CDH4: variants seen among roughly 807,000 people sequenced by gnomAD.
CDH4 encodes the protein cadherin-4.
A neutral mutation model predicts 86.0 loss-of-function variants in CDH4; 33 were observed. The observed-to-expected ratio is 0.38, with a 90% CI of 0.29 to 0.51. The LOEUF is 0.51. Among genes scored for constraint, CDH4 ranks in the 20% least tolerant of loss-of-function variants. CDH4 has a pLI of 0.86. For missense variants in CDH4, 1,114 were observed against 1,307.4 expected, an observed-to-expected ratio of 0.85 and a Z score of 2.28; for synonymous variants, 555 against 549.4, an observed-to-expected ratio of 1.01 and a Z score of -0.14.
intron 2 of CDH4, among the ~76,000 whole-genome samples, chr20:61,548,262 C>A (rs1600748363): frequency 6.6e-6 from 1 of 152,266 alleles, no homozygotes; most frequent in Non-Finnish European, 1.5e-5. Flanking sequence ...TCTAAGACTC[C>A]AAGCAATTCA....
At chr20:61,689,583 C>G (rs528134005) in intron 2 of CDH4, among the ~76,000 whole-genome samples, 2 of 60,608 alleles carry the variant, frequency 3.3e-5, no homozygotes, top group Admixed American at 1.9e-4. Context: ...ATGTGGATTC[C>G]GGCGGGGACA....
At chr20:61,739,780 C>G (rs915948130) in intron 2 of CDH4, among the ~76,000 whole-genome samples, 1 of 152,236 alleles carries the variant, frequency 6.6e-6, no homozygotes, top group Non-Finnish European at 1.5e-5. Flanking sequence ...AGGCCGCTCC[C>G]GGCCGCTGCA....
At chr20:61,473,255 A>G (rs1568857286) in intron 2 of CDH4, among the ~76,000 whole-genome samples, 1 of 152,178 alleles carries the variant, frequency 6.6e-6, no homozygotes, top group Non-Finnish European at 1.5e-5. Context: ...AGTATTCCTC[A>G]CTTTTATCTT....
chr20:61,778,831 G>A (rs1265838038), intron 4 of CDH4, among the ~76,000 whole-genome samples: 1 of 152,212 alleles, frequency 6.6e-6, no homozygotes, highest in African/African-American at 2.4e-5. Context: ...CATTTAAAAG[G>A]TTAGCAGGAC....
intron 2 of CDH4, among the ~76,000 whole-genome samples, chr20:61,734,509 G>A (rs1249116676): frequency 6.6e-6 from 1 of 152,268 alleles, no homozygotes; most frequent in Non-Finnish European, 1.5e-5. Context: ...ATCTGGAGGT[G>A]CCCAGAGCCC....
chr20:61,620,203 T>TGGGTGGGTG, intron 2 of CDH4, among the ~76,000 whole-genome samples: 1 of 142,188 alleles, frequency 7.0e-6, no homozygotes, highest in Admixed American at 7.0e-5. Flanking sequence ...GATGGATGGA[T>TGGGTGGGTG]GGACAGACAG....
chr20:61,872,513 C>G (rs560138657), intron 6 of CDH4, among the ~76,000 whole-genome samples: 1 of 152,218 alleles, frequency 6.6e-6, no homozygotes, highest in South Asian at 2.1e-4. Context: ...GCACCTGGCC[C>G]GCCGCATGAC....
chr20:61,531,094 A>G (rs2145640875), intron 2 of CDH4, among the ~76,000 whole-genome samples: 1 of 145,546 alleles, frequency 6.9e-6, no homozygotes, highest in East Asian at 2.0e-4. Context: ...CACAGGCACC[A>G]GAGGGAGACC....
intron 2 of CDH4, among the ~76,000 whole-genome samples, chr20:61,353,762 C>CCCTCCCCCTCCCCCTCCTCCCTCCCCCT (rs1555840046): frequency 1.4e-5 from 2 of 138,786 alleles, no homozygotes; most frequent in East Asian, 2.4e-4. Flanking sequence ...CGATGATTCA[C>CCCTCCCCCTCCCCCTCCTCCCTCCCCCT]CCCAGTTCAC....
chr20:61,500,888 C>T (rs548406780), intron 2 of CDH4, among the ~76,000 whole-genome samples: 32 of 152,356 alleles, frequency 2.1e-4, no homozygotes, highest in African/African-American at 7.0e-4. Flanking sequence ...CTCAGGCCCA[C>T]GCAGCCGCTC....
chr20:61,799,621 C>G (rs1044843238), intron 4 of CDH4, among the ~76,000 whole-genome samples: 5 of 152,208 alleles, frequency 3.3e-5, no homozygotes, highest in African/African-American at 1.2e-4. Flanking sequence ...GGATACCACA[C>G]TCAGCCTGGG....
intron 7 of CDH4, among the ~76,000 whole-genome samples, chr20:61,881,986 T>A (rs1984301825): frequency 6.6e-6 from 1 of 152,156 alleles, no homozygotes; most frequent in African/African-American, 2.4e-5. Context: ...GACCAGACGA[T>A]AAGGCTACAA....
At chr20:61,819,760 G>A (rs1980920606) in intron 4 of CDH4, among the ~76,000 whole-genome samples, 1 of 152,178 alleles carries the variant, frequency 6.6e-6, no homozygotes, top group Non-Finnish European at 1.5e-5. Context: ...TCCCAGCTTT[G>A]TGAACTTCGA....
At chr20:61,883,252 T>C (rs1401588769) in intron 7 of CDH4, among the ~76,000 whole-genome samples, 3 of 152,064 alleles carry the variant, frequency 2.0e-5, no homozygotes, top group Admixed American at 2.0e-4. Context: ...CTGAGTGCCC[T>C]GTCCCTCTCT....
intron 2 of CDH4, among the ~76,000 whole-genome samples, chr20:61,713,459 C>T (rs2087915032): frequency 6.6e-6 from 1 of 152,236 alleles, no homozygotes; most frequent in African/African-American, 2.4e-5. Flanking sequence ...GCACTTTGGA[C>T]ACGTGTTCGT....
At chr20:61,653,410 A>G (rs1226331097) in intron 2 of CDH4, among the ~76,000 whole-genome samples, 3 of 137,250 alleles carry the variant, frequency 2.2e-5, no homozygotes, top group Admixed American at 1.4e-4. Flanking sequence ...ATTCCACAAA[A>G]CCGCCATTGT....
intron 2 of CDH4, chr20:61,718,590 G>A (rs993143558): frequency 2.0e-5 from 7 of 354,022 alleles, no homozygotes; most frequent in South Asian, 1.3e-4. Context: ...GGCTCACAGG[G>A]CAGAGCGCTG....
At chr20:61,934,723 C>CT (rs1346297065) in intron 15 of CDH4, among the ~76,000 whole-genome samples, 2 of 146,818 alleles carry the variant, frequency 1.4e-5, no homozygotes, top group African/African-American at 5.4e-5. Flanking sequence ...ACTTGCCCCC[C>CT]CTCCCCACCC....
chr20:61,401,333 G>C (rs2085048329), intron 2 of CDH4, among the ~76,000 whole-genome samples: 1 of 152,208 alleles, frequency 6.6e-6, no homozygotes, highest in Admixed American at 6.5e-5. Context: ...GTACATTGCA[G>C]GCTTCAGTCC....
Sources: allele counts gnomAD v4.1 joint callset (sites outside exome capture counted in the v4.1 genomes callset), GRCh38; gene constraint gnomAD v4.1.1; transcripts MANE v1.5; gene names NCBI Gene and HGNC (gene_info 2026-07-23, HGNC 2026-07-21).